The following CNTNAP4 variants were observed in gnomAD, a reference collection of about 807,000 sequenced individuals.
CNTNAP4 encodes contactin associated protein family member 4, also known as contactin-associated protein-like 4.
A neutral mutation model predicts 148.4 loss-of-function variants in CNTNAP4; 98 were observed. The observed-to-expected ratio is 0.66, with a 90% CI of 0.56 to 0.78. The LOEUF (loss-of-function observed/expected upper bound fraction) is 0.78, where lower values mean the gene tolerates loss of function less well. Ranked by LOEUF, CNTNAP4 falls within the 30% of genes least tolerant of loss-of-function variation. CNTNAP4 has a pLI of 0.00. For missense variants in CNTNAP4, 1,935 were observed against 1,565.6 expected, an observed-to-expected ratio of 1.24 and a Z score of -3.98; for synonymous variants, 730 against 565.1, an observed-to-expected ratio of 1.29 and a Z score of -4.14.
chr16:76,448,742 G>C lies in CNTNAP4; in HGVS notation c.743-25G>C, dbSNP rs773089330. On this transcript the variant is annotated intron_variant, in intron 5 of 23. Coordinates refer to ENST00000611870, the MANE Select transcript of CNTNAP4 (RefSeq NM_033401.5). Reference sequence around the variant, plus strand: ...TTTTCTTTAGACTGGCAATAATGGTGCTGTTATTTTTCTCCTCTTCTAAGG... The same window carrying C: ...TTTTCTTTAGACTGGCAATAATGGTCCTGTTATTTTTCTCCTCTTCTAAGG... The C allele has an allele frequency of 4.6e-6, 7 of 1,531,370 alleles. No homozygotes were observed. In the South Asian group the frequency reaches 8.8e-5, roughly 19 times the overall value. 94.9% of individuals were successfully genotyped at this position (1,531,370 alleles called of 1,614,324 possible).
At chr16:76,358,872 A>G (rs1222452674) in intron 3 of CNTNAP4, among the ~76,000 whole-genome samples, 1 of 151,976 alleles carries the variant, frequency 6.6e-6, no homozygotes, top group Non-Finnish European at 1.5e-5. Context: ...GTATGTGTAT[A>G]TGTATGTGTG....
chr16:76,423,913 T>C (rs2079281156), intron 3 of CNTNAP4, among the ~76,000 whole-genome samples: 1 of 152,138 alleles, frequency 6.6e-6, no homozygotes, highest in Admixed American at 6.6e-5. Context: ...TCTTCCTATG[T>C]GTGTCTCCAT....
chr16:76,527,932 T>C (rs1015183313), intron 17 of CNTNAP4, among the ~76,000 whole-genome samples: 1 of 152,148 alleles, frequency 6.6e-6, no homozygotes, highest in Non-Finnish European at 1.5e-5. Context: ...TGAAAGACTG[T>C]TAGTGTTACT....
intron 19 of CNTNAP4, among the ~76,000 whole-genome samples, chr16:76,539,119 T>A (rs942509792): frequency 1.3e-5 from 2 of 152,082 alleles, no homozygotes; most frequent in Non-Finnish European, 2.9e-5. Context: ...TTAGGGCATT[T>A]TCTTTGTCAA....
chr16:76,441,730 C>A (rs1428905463), intron 4 of CNTNAP4, among the ~76,000 whole-genome samples: 1 of 152,150 alleles, frequency 6.6e-6, no homozygotes, highest in East Asian at 1.9e-4. Context: ...TAAAGAGTCA[C>A]AAATACACCA....
intron 10 of CNTNAP4, among the ~76,000 whole-genome samples, chr16:76,468,964 A>G (rs1381058275): frequency 1.3e-5 from 2 of 152,170 alleles, no homozygotes; most frequent in African/African-American, 4.8e-5. Flanking sequence ...TTCAATATGT[A>G]TTTTGAATAA....
intron 3 of CNTNAP4, among the ~76,000 whole-genome samples, chr16:76,372,739 G>A (rs1454989332): frequency 2.0e-5 from 3 of 152,084 alleles, no homozygotes; most frequent in Admixed American, 2.0e-4. Context: ...AAATTACCCA[G>A]TCTTGGATAT....
At chr16:76,282,509 C>T (rs769677966) in intron 1 of CNTNAP4, among the ~76,000 whole-genome samples, 1 of 151,836 alleles carries the variant, frequency 6.6e-6, no homozygotes, top group Non-Finnish European at 1.5e-5. Context: ...CATTTGGAAT[C>T]AAAGATCATA....
intron 3 of CNTNAP4, among the ~76,000 whole-genome samples, chr16:76,417,950 A>G (rs914455302): frequency 6.6e-6 from 1 of 151,720 alleles, no homozygotes; most frequent in African/African-American, 2.4e-5. Flanking sequence ...TTTTCTGATG[A>G]AAAGTCCAAT....
In CNTNAP4 at chr16:76,403,662, GA is replaced by G. The variant is rs367910594; in HGVS notation, c.391-23788del. 1.1e-3 allele frequency among the ~76,000 whole-genome samples: 170 copies of G among 152,232 alleles called. 2 individuals are homozygous for G. In the East Asian group the frequency reaches 0.027, roughly 24 times the overall value. On this transcript the variant is annotated intron_variant, in intron 3 of 23. Transcript: ENST00000611870. ...GCAATTCCTCAAAGAGCTAAGAACAGAACCACCATTTGGCCCAACAATCCCA... is the reference window on the plus strand; with the variant it reads ...GCAATTCCTCAAAGAGCTAAGAACAGACCACCATTTGGCCCAACAATCCCA...
chr16:76,435,131 C>T (rs1411784332), intron 4 of CNTNAP4, among the ~76,000 whole-genome samples: 1 of 152,098 alleles, frequency 6.6e-6, no homozygotes, highest in Non-Finnish European at 1.5e-5. Context: ...CTCAAAGGGA[C>T]CTGGCCTCCC....
Position 76,501,586 on chromosome 16 carries a change from T to A in CNTNAP4, c.2365+2892T>A, listed in dbSNP as rs73618160. On this transcript the variant is annotated intron_variant, in intron 15 of 23. Transcript: ENST00000611870. The stretch of plus-strand genomic sequence containing the variant: ...GGAGACATTGTTGGTTATCACATTG[T>A]TGGGGAGTGGGATGCTACTGGCATG... 6.6e-5 allele frequency among the ~76,000 whole-genome samples: 10 copies of A among 152,062 alleles called. 1 individual carries two copies. The South Asian group carries it at 1.9e-3, about 28-fold the overall frequency.
intron 1 of CNTNAP4, among the ~76,000 whole-genome samples, chr16:76,281,161 C>T (rs79580842): frequency 1.3e-5 from 2 of 152,100 alleles, no homozygotes; most frequent in Non-Finnish European, 2.9e-5. Flanking sequence ...TCCTGGGAGA[C>T]AGCTGGACAG....
At chr16:76,295,551 A>G (rs1296929769) in intron 1 of CNTNAP4, among the ~76,000 whole-genome samples, 1 of 152,064 alleles carries the variant, frequency 6.6e-6, no homozygotes, top group Non-Finnish European at 1.5e-5. Context: ...CTGGTGAACT[A>G]ACTCCTGTAA....
At position 76,355,324 on chromosome 16, in the gene CNTNAP4, G is replaced by A; in HGVS notation, c.203G>A (p.Gly68Asp). The change falls in exon 3 of 24, where the codon GGT (glycine) becomes GAT (aspartate). Residue 68 changes from glycine to aspartate, a missense_variant. By Grantham distance (94) the Gly-to-Asp change is moderately conservative (BLOSUM62 -1). Transcript: ENST00000611870. ...FARLNRRDGA[G>D]GWSPLVSNKY... ...TTTCTATTTTTAATAAAAGGAGCTG[G>A]TGGCTGGTCTCCACTTGTGTCTAAC... 2 of 1,532,568 alleles carry A rather than the reference G, an allele frequency of 1.3e-6. No individual in the cohort carries two copies. Among genetic ancestry groups the A allele is most frequent in the East Asian group, 2.4e-5 (1 of 41,528 alleles). 94.9% of individuals were successfully genotyped at this position (1,532,568 alleles called of 1,614,324 possible).
chr16:76,444,702 G>C (rs536273808), intron 4 of CNTNAP4, among the ~76,000 whole-genome samples: 1 of 152,088 alleles, frequency 6.6e-6, no homozygotes, highest in Non-Finnish European at 1.5e-5. Context: ...CTTATAAAAA[G>C]TGACCTACAA....
chr16:76,556,475 G>A (rs967519147), intron 23 of CNTNAP4, among the ~76,000 whole-genome samples: 1 of 152,044 alleles, frequency 6.6e-6, no homozygotes, highest in Non-Finnish European at 1.5e-5. Flanking sequence ...GAACAAACAA[G>A]TTCCAGAGGC....
At chr16:76,318,467 C>G (rs1962044148) in intron 2 of CNTNAP4, among the ~76,000 whole-genome samples, 2 of 151,962 alleles carry the variant, frequency 1.3e-5, no homozygotes, top group African/African-American at 2.4e-5. Flanking sequence ...CTTCATGAAT[C>G]TCATTTACAT....
chr16:76,537,909 G>A (rs923561326), intron 18 of CNTNAP4, among the ~76,000 whole-genome samples: 1 of 151,998 alleles, frequency 6.6e-6, no homozygotes, highest in African/African-American at 2.4e-5. Context: ...TTATACTAGT[G>A]CATTAATTAT....
Sources: allele counts gnomAD v4.1 joint callset (sites outside exome capture counted in the v4.1 genomes callset), GRCh38; gene constraint gnomAD v4.1.1; transcripts MANE v1.5; gene names NCBI Gene and HGNC (gene_info 2026-07-23, HGNC 2026-07-21).